Variants in LCOR observed in about 807,000 individuals in gnomAD.
The protein encoded by LCOR is ligand-dependent corepressor.
LCOR carries 14 observed loss-of-function variants against 64.4 expected under a neutral mutation model. The observed-to-expected ratio is 0.22, with a 90% CI of 0.14 to 0.34. The LOEUF is 0.34. Among genes scored for constraint, LCOR ranks in the 10% least tolerant of loss-of-function variants. LCOR has a pLI of 1.00. For synonymous variants in LCOR, 643 were observed against 642.5 expected (o/e 1.00, Z -0.01); for missense variants, 1,686 against 1,765.3 (o/e 0.96, Z 0.80).
At chr10:96,876,918 C>T (rs1301896333) in intron 2 of LCOR, among the ~76,000 whole-genome samples, 1 of 152,182 alleles carries the variant, frequency 6.6e-6, no homozygotes, top group African/African-American at 2.4e-5. Context: ...TGGTCTGGAA[C>T]TCCTGACCTC....
Position 96,984,097 on chromosome 10 carries a change from G to A in LCOR, c.3637G>A (p.Val1213Ile). 1 of 1,614,116 alleles carries A rather than the reference G, an allele frequency of 6.2e-7. No individual in the cohort carries two copies. Among genetic ancestry groups the A allele is most frequent in the East Asian group, 2.2e-5 (1 of 44,882 alleles). ...TCGCCTTCCAGGAGACGTTCCCCCT[G>A]TCAAGCATCCTCTTCAGAAATACGC... Reference protein sequence around the residue: ...NTRLPGDVPPVKHPLQKYAPS... With the variant: ...NTRLPGDVPPIKHPLQKYAPS... The change falls in exon 8 of 8, where the codon GTC (valine) becomes ATC (isoleucine). Residue 1213 changes from valine to isoleucine, a missense_variant. By Grantham distance (29) the Val-to-Ile change is conservative (BLOSUM62 3). Coordinates refer to ENST00000421806, the MANE Select transcript of LCOR (RefSeq NM_001346516.2).
At chr10:96,950,624 G>A (rs1460730861) in intron 6 of LCOR, among the ~76,000 whole-genome samples, 1 of 151,990 alleles carries the variant, frequency 6.6e-6, no homozygotes, top group Non-Finnish European at 1.5e-5. Context: ...TCAATACATT[G>A]TATTGACAGC....
In LCOR at chr10:96,854,829, C is replaced by G. The variant is rs559550698; in HGVS notation, c.-330+21350C>G. 9.8e-5 allele frequency among the ~76,000 whole-genome samples: 15 copies of G among 152,312 alleles called. No individual in the cohort carries two copies. The South Asian group carries it at 2.9e-3, about 29-fold the overall frequency. On this transcript the variant is annotated intron_variant, in intron 2 of 7. Coordinates refer to ENST00000421806, the MANE Select transcript of LCOR (RefSeq NM_001346516.2). ...TCTGACTTCAGAGTGTAATTGCATTCATATGATTGTAATCATTTAAATGGT... is the reference window on the plus strand; with the variant it reads ...TCTGACTTCAGAGTGTAATTGCATTGATATGATTGTAATCATTTAAATGGT...
intron 7 of LCOR, among the ~76,000 whole-genome samples, chr10:96,971,275 G>T (rs1847996712): frequency 1.3e-5 from 2 of 152,028 alleles, no homozygotes; most frequent in Non-Finnish European, 2.9e-5. Flanking sequence ...TTTCCCTTCT[G>T]ATTATATGTA....
At chr10:96,873,741 T>TA (rs1185512182) in intron 2 of LCOR, among the ~76,000 whole-genome samples, 1 of 152,014 alleles carries the variant, frequency 6.6e-6, no homozygotes, top group Non-Finnish European at 1.5e-5. Context: ...TAGCTGGGAT[T>TA]ACAGGAGCCC....
chr10:96,853,700 C>T (rs1241305141), intron 2 of LCOR, among the ~76,000 whole-genome samples: 1 of 152,176 alleles, frequency 6.6e-6, no homozygotes, highest in East Asian at 1.9e-4. Flanking sequence ...AGCAGGATAG[C>T]TTGGGCCTGT....
At chr10:96,900,810 A>G (rs1249003317) in intron 2 of LCOR, among the ~76,000 whole-genome samples, 1 of 152,092 alleles carries the variant, frequency 6.6e-6, no homozygotes, top group Non-Finnish European at 1.5e-5. Context: ...CAATATTCAT[A>G]AGCAACACAT....
chr10:96,986,926 A>T lies in LCOR; in HGVS notation c.*1792A>T, dbSNP rs1357425938. ...TTCTGTTAAAGGTTTGCTGTATATC[A>T]TGGGAACTTCTGATGATTGGATAAG... is the stretch of plus-strand genomic sequence containing the variant. On this transcript the variant is annotated 3_prime_UTR_variant, in exon 8 of 8. Coordinates refer to ENST00000421806, the MANE Select transcript of LCOR (RefSeq NM_001346516.2). The T allele has an allele frequency of 1.3e-5, 2 of 152,250 alleles. No homozygotes were observed. The allele number at this position is 152,250 out of a possible 1,614,324, so 9.4% of individuals were successfully genotyped here. A position where few individuals can be genotyped will look rare whatever the true frequency, so the allele number is the denominator to read the frequency against.
intron 4 of LCOR, chr10:96,915,972 C>T: frequency 3.6e-6 from 1 of 281,636 alleles, no homozygotes; most frequent in East Asian, 8.1e-5. Flanking sequence ...TTTGGTAGTC[C>T]AAGGGTCATT....
rs138933816 is a variant in LCOR at position 96,981,682 on chromosome 10, T to C, written c.1222T>C (p.Leu408=). 14 of 1,614,058 alleles carry C rather than the reference T, an allele frequency of 8.7e-6. No individual in the cohort carries two copies. Among genetic ancestry groups the C allele is most frequent in the Non-Finnish European group, 1.1e-5 (13 of 1,180,036 alleles). Residue 408 remains leucine (L), a synonymous_variant, in exon 8 of 8, where the codon TTA becomes CTA. Coordinates refer to ENST00000421806, the MANE Select transcript of LCOR (RefSeq NM_001346516.2). Reference sequence around the variant, plus strand: ...GGGAAGAAATAAGGTGGGTTACCATTTACATCCCAGTGATAAGGGCCAGTT... The same window carrying C: ...GGGAAGAAATAAGGTGGGTTACCATCTACATCCCAGTGATAAGGGCCAGTT... ...SLGRNKVGYH[L]HPSDKGQFDH... is the part of the protein sequence containing the mutation.
At chr10:96,896,676 GC>G (rs1846543144) in intron 2 of LCOR, among the ~76,000 whole-genome samples, 1 of 152,060 alleles carries the variant, frequency 6.6e-6, no homozygotes, top group South Asian at 2.1e-4. Context: ...CACCCGCCCT[GC>G]CCTTCCAAAG....
Position 96,994,563 on chromosome 10 carries a change from C to T in LCOR, c.*9429C>T, listed in dbSNP as rs1290333903. Reference sequence around the variant, plus strand: ...AATTTTTCACTAGTGTATTTTTAGACTGAAGTGGGTGCATTAGGATAAAAC... The same window carrying T: ...AATTTTTCACTAGTGTATTTTTAGATTGAAGTGGGTGCATTAGGATAAAAC... On this transcript the variant is annotated 3_prime_UTR_variant, in exon 8 of 8. Coordinates refer to ENST00000421806, the MANE Select transcript of LCOR (RefSeq NM_001346516.2). 1 of 152,102 alleles carries T rather than the reference C, an allele frequency of 6.6e-6. No homozygotes were observed. Among genetic ancestry groups the T allele is most frequent in the East Asian group, 1.9e-4 (1 of 5,196 alleles). The allele number at this position is 152,102 out of a possible 1,614,324, so 9.4% of individuals were successfully genotyped here.
At chr10:96,896,204 T>C (rs1005889621) in intron 2 of LCOR, among the ~76,000 whole-genome samples, 3 of 152,192 alleles carry the variant, frequency 2.0e-5, no homozygotes, top group Non-Finnish European at 2.9e-5. Flanking sequence ...TTCTGGTATT[T>C]AGAGGCGTGT....
chr10:96,985,513 G>A lies in LCOR; in HGVS notation c.*379G>A, dbSNP rs557692992. On this transcript the variant is annotated 3_prime_UTR_variant, in exon 8 of 8. Coordinates refer to ENST00000421806, the MANE Select transcript of LCOR (RefSeq NM_001346516.2). ...ATGCACAAGCACTTGTACTGTAGCC[G>A]AGAAGACCACCATCATGCACATAAA... The A allele has an allele frequency of 7.0e-5, 12 of 172,034 alleles. No homozygotes were observed. Among genetic ancestry groups the A allele is most frequent in the African/African-American group, 2.2e-4 (9 of 41,760 alleles). The allele number at this position is 172,034 out of a possible 1,614,324, so 10.7% of individuals were successfully genotyped here. A position where few individuals can be genotyped will look rare whatever the true frequency, so the allele number is the denominator to read the frequency against.
Position 96,984,319 on chromosome 10 carries a change from G to A in LCOR, c.3859G>A (p.Glu1287Lys), listed in dbSNP as rs750307576. The A allele has an allele frequency of 2.0e-5, 32 of 1,614,122 alleles. No homozygotes were observed. Among genetic ancestry groups the A allele is most frequent in the Non-Finnish European group, 2.4e-5 (28 of 1,180,044 alleles). Reference protein sequence around the residue: ...SPGPNSEDSIEEVKEDRNSHP... With the variant: ...SPGPNSEDSIKEVKEDRNSHP... The stretch of plus-strand genomic sequence containing the variant: ...CGGCCCTAATTCTGAAGACAGCATA[G>A]AGGAAGTCAAGGAAGATAGAAACAG... Residue 1287 changes from glutamate to lysine, a missense_variant, in exon 8 of 8, where the codon GAG (glutamate) becomes AAG (lysine). Physicochemically the swap from Glu to Lys is moderately conservative, Grantham distance 56. This residue lies in a region of LCOR where 1,293 missense variants were observed against 1,410.4 expected (regional missense o/e 0.92). Coordinates refer to ENST00000421806, the MANE Select transcript of LCOR (RefSeq NM_001346516.2).
chr10:96,907,363 TC>T (rs1267379884), intron 3 of LCOR, 33 bp downstream of exon 3: 2 of 780,694 alleles, frequency 2.6e-6, no homozygotes, highest in African/African-American at 3.8e-5. Context: ...TTCAAATTCT[TC>T]CTGGTGCCAT....
chr10:96,924,559 A>T (rs1847135677), intron 4 of LCOR, among the ~76,000 whole-genome samples: 1 of 151,968 alleles, frequency 6.6e-6, no homozygotes, highest in Admixed American at 6.6e-5. Context: ...AAAATTTTTT[A>T]TTTTGAAGTA....
At chr10:96,883,375 T>C (rs1204266860) in intron 2 of LCOR, among the ~76,000 whole-genome samples, 26 of 152,196 alleles carry the variant, frequency 1.7e-4, no homozygotes, top group Admixed American at 1.6e-3. Context: ...TTTATTTGAG[T>C]AATTACCAAG....
intron 2 of LCOR, among the ~76,000 whole-genome samples, chr10:96,837,989 C>T (rs1845475955): frequency 6.6e-6 from 1 of 152,212 alleles, no homozygotes; most frequent in African/African-American, 2.4e-5. Flanking sequence ...AAATGAAAAA[C>T]TCAACATCAC....
Sources: gnomAD v4.1 joint callset for allele counts (sites outside exome capture counted in the v4.1 genomes callset) on GRCh38, gnomAD v4.1.1 for gene constraint, gnomAD v4.1.1 regional missense constraint, MANE v1.5 for transcripts, NCBI Gene and HGNC (gene_info 2026-07-23, HGNC 2026-07-21) for gene names.